The following RC3H2 variants were observed in gnomAD, a reference collection of about 807,000 sequenced individuals.
RC3H2 encodes ring finger and CCCH-type domains 2.
In RC3H2, 31 loss-of-function variants were observed where a neutral mutation model predicts 133.3. That is an observed-to-expected ratio of 0.23 (90% CI 0.17 to 0.31). RC3H2 has a LOEUF of 0.31. Among genes scored for constraint, RC3H2 ranks in the 10% least tolerant of loss-of-function variants. The probability of loss-of-function intolerance (pLI) is 1.00; values close to 1 mark genes in which losing one functional copy is unlikely to be tolerated. For synonymous variants in RC3H2, 517 were observed against 502.2 expected (o/e 1.03, Z -0.40); for missense variants, 1,175 against 1,437.2 (o/e 0.82, Z 2.95).
At chr9:122,898,446 A>T (rs893440031) in intron 1 of RC3H2, among the ~76,000 whole-genome samples, 2 of 152,156 alleles carry the variant, frequency 1.3e-5, no homozygotes, top group African/African-American at 4.8e-5. Flanking sequence ...AATTTTTCTT[A>T]TTTCTGAGAT....
At chr9:122,864,293 T>C (rs866417663) in intron 10 of RC3H2, among the ~76,000 whole-genome samples, 4 of 152,178 alleles carry the variant, frequency 2.6e-5, no homozygotes, top group Non-Finnish European at 5.9e-5. Context: ...TCAGATAATC[T>C]GAAAATTTAA....
intron 9 of RC3H2, chr9:122,875,206 A>G (rs1831280324): frequency 1.3e-6 from 2 of 1,551,048 alleles, no homozygotes. Flanking sequence ...CAAGTGGGGA[A>G]AAAAACTGAG....
In RC3H2 at chr9:122,855,784, G is replaced by A. The variant is rs778436350; in HGVS notation, c.2549C>T (p.Ala850Val). ...GACATCTTTGGGCTCTGAATCAATG[G>A]CATTTATACAGGAGCCTATGGTGCC... ...SCGTIGSCIN[A>V]IDSEPKDVIA... Residue 850 changes from alanine (A) to valine (V), a missense_variant, in exon 14 of 21, where the codon GCC becomes GTC. Transcript: ENST00000357244. 1 of 1,613,014 alleles carries A rather than the reference G, an allele frequency of 6.2e-7. No homozygotes were observed.
chr9:122,870,338 G>A (rs1831015273), intron 9 of RC3H2, among the ~76,000 whole-genome samples: 1 of 151,592 alleles, frequency 6.6e-6, no homozygotes, highest in African/African-American at 2.4e-5. Flanking sequence ...TTGTGCCACT[G>A]TACTCCAGCC....
chr9:122,858,103 G>A lies in RC3H2; in HGVS notation c.2284-10C>T. 2.5e-6 allele frequency: 4 copies of A among 1,612,426 alleles called. No homozygotes were observed. The South Asian group carries it at 3.3e-5, about 13-fold the overall frequency. On this transcript the variant is annotated splice_polypyrimidine_tract_variant and intron_variant, in intron 12 of 20. Coordinates refer to ENST00000357244, the MANE Select transcript of RC3H2 (RefSeq NM_001100588.3). ...AATGACCACAAGGTTCCTAATGGGGGATAAAAGAAACAATCTTAATCATCT... is the reference window on the plus strand; with the variant it reads ...AATGACCACAAGGTTCCTAATGGGGAATAAAAGAAACAATCTTAATCATCT...
chr9:122,884,483 A>C (rs1486866559), intron 4 of RC3H2, among the ~76,000 whole-genome samples: 1 of 152,208 alleles, frequency 6.6e-6, no homozygotes, highest in African/African-American at 2.4e-5. Flanking sequence ...AATTTCATTT[A>C]TGTTGCTTTA....
At position 122,861,690 on chromosome 9, in the gene RC3H2, A is replaced by C. The variant is rs188932140; in HGVS notation, c.1635-1559T>G. Among the ~76,000 whole-genome samples, 1,055 of 152,286 alleles carry C rather than the reference A, an allele frequency of 6.9e-3. 6 individuals carry two copies. Among genetic ancestry groups the C allele is most frequent in the Non-Finnish European group, 0.012 (810 of 68,032 alleles). ...GAACTCAATACATTGCATCTCAACC[A>C]GATTAGAGGGTTTTTTCCTCAAATT... is the stretch of plus-strand genomic sequence containing the variant. On this transcript the variant is annotated intron_variant, in intron 10 of 20. Coordinates refer to ENST00000357244, the MANE Select transcript of RC3H2 (RefSeq NM_001100588.3).
chr9:122,860,045 G>A lies in RC3H2; in HGVS notation c.1721C>T (p.Ser574Phe). 1 of 1,614,096 alleles carries A rather than the reference G, an allele frequency of 6.2e-7. No individual in the cohort carries two copies. The highest frequency in any genetic ancestry group is 8.5e-7 in the Non-Finnish European group (1 of 1,179,984). The change falls in exon 11 of 21, where the codon TCT (serine) becomes TTT (phenylalanine). Residue 574 changes from serine (S) to phenylalanine (F), a missense_variant. By Grantham distance (155) the Ser-to-Phe change is radical. Around this residue, in one of 8 missense-constraint regions of RC3H2, gnomAD observed 490 missense variants for 492.8 expected, o/e 0.99. Transcript: ENST00000357244. ...AAATGGGCTGGATTTTTGAGGCACA[G>A]AATTCAGCTCTGTTCCAACATTAGA... ...GPSNVGTELN[S>F]VPQKSSPFLT...
Position 122,854,180 on chromosome 9 carries a change from C to G in RC3H2, c.2982+5G>C, listed in dbSNP as rs755408855. The G allele has an allele frequency of 2.7e-5, 44 of 1,613,400 alleles. No homozygotes were observed. Among genetic ancestry groups the G allele is most frequent in the Non-Finnish European group, 3.6e-5 (42 of 1,179,734 alleles). On this transcript the variant is annotated splice_donor_5th_base_variant and intron_variant, in intron 17 of 20. Transcript: ENST00000357244. Reference sequence around the variant, plus strand: ...AAAAATTTATAGCTGAGTTACAGAGCCTACCTGCTGAAGTTCAAGGCTCAA... The same window carrying G: ...AAAAATTTATAGCTGAGTTACAGAGGCTACCTGCTGAAGTTCAAGGCTCAA...
At position 122,863,960 on chromosome 9, in the gene RC3H2, C is replaced by T. The variant is rs565790020; in HGVS notation, c.1634+1389G>A. Among the ~76,000 whole-genome samples the T allele has an allele frequency of 3.9e-5, 6 of 152,294 alleles. No homozygotes were observed. The East Asian group carries it at 5.8e-4, about 15-fold the overall frequency. On this transcript the variant is annotated intron_variant, in intron 10 of 20. Transcript: ENST00000357244. ...CCATGTTGGTCAGGCTGGTCTTGAA[C>T]GCCCAACCTCAGGTGATCTGCCCAC...
intron 10 of RC3H2, among the ~76,000 whole-genome samples, chr9:122,864,672 T>A (rs537032627): frequency 6.6e-6 from 1 of 151,922 alleles, no homozygotes; most frequent in Non-Finnish European, 1.5e-5. Context: ...CCAGGCTGGA[T>A]TGCAGTAGCA....
intron 18 of RC3H2, among the ~76,000 whole-genome samples, chr9:122,852,778 T>C (rs1327678522): frequency 2.5e-4 from 35 of 138,612 alleles, no homozygotes; most frequent in Middle Eastern, 4.0e-3. Context: ...GCCCCCCGCC[T>C]GGCCAGCCGC....
intron 9 of RC3H2, chr9:122,875,175 A>C: frequency 6.5e-7 from 1 of 1,550,254 alleles, no homozygotes; most frequent in Non-Finnish European, 8.7e-7. Context: ...AGGACTCCTT[A>C]ATCCTCTTCT....
At chr9:122,859,162 T>C (rs1351857894) in intron 11 of RC3H2, 60 bp from the exon 12 acceptor site, 1 of 1,350,446 alleles carries the variant, frequency 7.4e-7, no homozygotes, top group East Asian at 2.5e-5. Context: ...CATTTTATAA[T>C]GGCTTAAATC....
rs1832474422 is a variant in RC3H2, at chr9:122,897,517, G to A, written c.-8C>T. ...AGCTGCCTGCACAGGCATTGTGGAA[G>A]CTGGATGCTCGGGTTAGCAGTCTAG... On this transcript the variant is annotated 5_prime_UTR_variant, in exon 2 of 21. Coordinates refer to ENST00000357244, the MANE Select transcript of RC3H2 (RefSeq NM_001100588.3). 1.2e-6 allele frequency: 2 copies of A among 1,610,990 alleles called. No individual in the cohort carries two copies. Among genetic ancestry groups the A allele is most frequent in the African/African-American group, 1.3e-5 (1 of 75,028 alleles).
rs772446546 is a variant in RC3H2, at chr9:122,877,605, C to T, written c.1213-22G>A. On this transcript the variant is annotated intron_variant, in intron 8 of 20. Coordinates refer to ENST00000357244, the MANE Select transcript of RC3H2 (RefSeq NM_001100588.3). ...GAGGCTACAAAAATGGGAACACATT[C>T]AATGAGTGGCAAGGTGAAGATTCCA... 5.8e-6 allele frequency: 9 copies of T among 1,557,558 alleles called. 1 individual carries two copies. In the Admixed American group the frequency reaches 1.5e-4, roughly 26 times the overall value.
At position 122,858,882 on chromosome 9, in the gene RC3H2, C is replaced by T; in HGVS notation, c.2070G>A (p.Met690Ile). 6.2e-7 allele frequency: 1 copy of T among 1,614,248 alleles called. No homozygotes were observed. Among genetic ancestry groups the T allele is most frequent in the Non-Finnish European group, 8.5e-7 (1 of 1,180,046 alleles). ...YGPVPPVPSG[M>I]YAPVYDSRRI... is the part of the protein sequence containing the mutation. ...GCCTGCTGTCGTACACAGGAGCATA[C>T]ATTCCAGAAGGTACTGGAGGAACTG... Residue 690 changes from methionine to isoleucine, a missense_variant, in exon 12 of 21, where the codon ATG becomes ATA. By Grantham distance (10) the Met-to-Ile change is conservative. This residue lies in a region of RC3H2 where 490 missense variants were observed against 492.8 expected (regional missense o/e 0.99). Transcript: ENST00000357244.
At chr9:122,900,993 C>G (rs1463441375) in intron 1 of RC3H2, among the ~76,000 whole-genome samples, 2 of 152,194 alleles carry the variant, frequency 1.3e-5, no homozygotes, top group Non-Finnish European at 2.9e-5. Flanking sequence ...CAATAGGCAT[C>G]TCTTATATGA....
chr9:122,865,457 C>T lies in RC3H2; in HGVS notation c.1526G>A (p.Arg509His), dbSNP rs536446038. Residue 509 changes from arginine (R) to histidine (H), a missense_variant, in exon 10 of 21, where the codon CGT becomes CAT. Physicochemically the swap from Arg to His is conservative, Grantham distance 29. Around this residue, in one of 8 missense-constraint regions of RC3H2, gnomAD observed 490 missense variants for 492.8 expected, o/e 0.99. Transcript: ENST00000357244. ...AENSVSQLIS[R>H]STDSTLRALE... ...AGCTCTTAAGGTACTGTCAGTACTA[C>T]GTGAGATTAGCTGGGAAACACTGTT... The T allele has an allele frequency of 7.4e-5, 119 of 1,614,158 alleles. No individual in the cohort carries two copies. The highest frequency in any genetic ancestry group is 3.8e-4 in the East Asian group (17 of 44,890).
Sources: allele counts gnomAD v4.1 joint callset (sites outside exome capture counted in the v4.1 genomes callset), GRCh38; gene constraint gnomAD v4.1.1; regional missense constraint gnomAD v4.1.1; transcripts MANE v1.5; gene names NCBI Gene and HGNC (gene_info 2026-07-23, HGNC 2026-07-21).